The following ZNF277 variants were observed in gnomAD, a reference collection of about 807,000 sequenced individuals.
ZNF277 encodes zinc finger protein 277.
Under a neutral mutation model 60.7 loss-of-function variants are expected in ZNF277, and 55 were observed. The observed-to-expected ratio is 0.91, with a 90% confidence interval of 0.73 to 1.13. The LOEUF (loss-of-function observed/expected upper bound fraction) is 1.13, where lower values mean the gene tolerates loss of function less well. ZNF277 is among the 50% of genes most tolerant of loss of function. The pLI, the probability that ZNF277 is intolerant of heterozygous loss-of-function variation, is 0.00. For missense variants in ZNF277, 510 were observed against 523.0 expected (o/e 0.98, Z 0.24); for synonymous variants, 178 against 179.3 (o/e 0.99, Z 0.06).
intron 1 of ZNF277, among the ~76,000 whole-genome samples, chr7:112,267,260 A>C (rs986365418): frequency 4.6e-5 from 7 of 152,206 alleles, no homozygotes; most frequent in Non-Finnish European, 7.3e-5. Flanking sequence ...TATTTTATAC[A>C]ACTGAAATAA....
intron 1 of ZNF277, among the ~76,000 whole-genome samples, chr7:112,209,995 C>G (rs969695540): frequency 2.6e-5 from 4 of 151,926 alleles, no homozygotes; most frequent in Non-Finnish European, 5.9e-5. Flanking sequence ...CCGGGCCTGT[C>G]GTGGGGTTGG....
rs544019737 is a variant in ZNF277, at chr7:112,226,323, C to T, written c.91+19516C>T. Among the ~76,000 whole-genome samples, 8 of 152,196 alleles carry T rather than the reference C, an allele frequency of 5.3e-5. No homozygotes were observed. In the South Asian group the frequency reaches 1.7e-3, roughly 32 times the overall value. On this transcript the variant is annotated intron_variant, in intron 1 of 11. Coordinates refer to ENST00000361822, the MANE Select transcript of ZNF277 (RefSeq NM_021994.3). ...TACAAGAAACAGGTATTTTTTCTGC[C>T]TCAGGGAGATGTAGCATCCTTTAAG...
intron 5 of ZNF277, among the ~76,000 whole-genome samples, chr7:112,320,731 C>T (rs901810779): frequency 5.9e-5 from 9 of 151,984 alleles, no homozygotes; most frequent in African/African-American, 1.4e-4. Flanking sequence ...TGCCAGTCTT[C>T]ACCTTTTCAT....
chr7:112,284,000 G>C (rs1792006297), intron 1 of ZNF277, among the ~76,000 whole-genome samples: 1 of 152,200 alleles, frequency 6.6e-6, no homozygotes, highest in Admixed American at 6.5e-5. Flanking sequence ...TTGGTACAGG[G>C]AGCAGAACAG....
chr7:112,260,104 T>TA (rs1791409667), intron 1 of ZNF277, among the ~76,000 whole-genome samples: 1 of 152,100 alleles, frequency 6.6e-6, no homozygotes, highest in Non-Finnish European at 1.5e-5. Flanking sequence ...CCGTCTCTAC[T>TA]AAAAATACAA....
chr7:112,275,786 A>G (rs1016784167), intron 1 of ZNF277, among the ~76,000 whole-genome samples: 1 of 152,206 alleles, frequency 6.6e-6, no homozygotes, highest in Non-Finnish European at 1.5e-5. Context: ...GGTATCATGT[A>G]TAAACCAGAA....
chr7:112,209,380 A>G (rs770731006), intron 1 of ZNF277, among the ~76,000 whole-genome samples: 1 of 152,178 alleles, frequency 6.6e-6, no homozygotes, highest in Non-Finnish European at 1.5e-5. Flanking sequence ...TTTCCCCCAT[A>G]TTGTCACAAA....
intron 1 of ZNF277, among the ~76,000 whole-genome samples, chr7:112,235,385 G>T (rs1318047668): frequency 6.6e-6 from 1 of 152,088 alleles, no homozygotes; most frequent in East Asian, 1.9e-4. Context: ...TCCACCAGCA[G>T]TGTCTGAGGC....
chr7:112,236,281 G>A (rs1249562035), intron 1 of ZNF277, among the ~76,000 whole-genome samples: 5 of 151,978 alleles, frequency 3.3e-5, no homozygotes, highest in African/African-American at 1.2e-4. Flanking sequence ...GTAACCCTTT[G>A]TTTTAGCATA....
intron 1 of ZNF277, among the ~76,000 whole-genome samples, chr7:112,268,919 A>G (rs547122619): frequency 4.1e-4 from 62 of 152,170 alleles, no homozygotes; most frequent in African/African-American, 1.5e-3. Context: ...GAGTTTCTTC[A>G]CTTTTAAGAT....
chr7:112,267,652 T>G lies in ZNF277; in HGVS notation c.92-19221T>G, dbSNP rs180797790. Among the ~76,000 whole-genome samples the G allele has an allele frequency of 1.3e-3, 196 of 152,338 alleles. 1 individual carries two copies. The highest frequency in any genetic ancestry group is 4.6e-3 in the African/African-American group (190 of 41,588). On this transcript the variant is annotated intron_variant, in intron 1 of 11. Transcript: ENST00000361822. The stretch of plus-strand genomic sequence containing the variant: ...CCTACTTCTAAACATCCCCTTCATT[T>G]TCTTCTCTTTTCCATTTTATCTATT...
chr7:112,289,123 T>C (rs1251301552), intron 2 of ZNF277: 1 of 152,234 alleles, frequency 6.6e-6, no homozygotes, highest in African/African-American at 2.4e-5. Context: ...GAGTTTTCCA[T>C]TTGTATTTAT....
intron 1 of ZNF277, among the ~76,000 whole-genome samples, chr7:112,208,655 C>T (rs1291732639): frequency 2.1e-5 from 3 of 141,758 alleles, no homozygotes; most frequent in Non-Finnish European, 4.5e-5. Context: ...TCTTATATGA[C>T]ACACGTCTGT....
At chr7:112,336,454 G>T (rs1423424741) in intron 8 of ZNF277, among the ~76,000 whole-genome samples, 1 of 152,154 alleles carries the variant, frequency 6.6e-6, no homozygotes, top group Admixed American at 6.5e-5. Flanking sequence ...TGCCTGCTCA[G>T]TTAGTGCTCA....
At chr7:112,322,293 C>A (rs1793002349) in intron 5 of ZNF277, among the ~76,000 whole-genome samples, 1 of 152,030 alleles carries the variant, frequency 6.6e-6, no homozygotes, top group Admixed American at 6.6e-5. Flanking sequence ...TCTTTGCTCT[C>A]CTTTTGGAGC....
At chr7:112,282,940 G>A (rs1791981302) in intron 1 of ZNF277, among the ~76,000 whole-genome samples, 1 of 152,156 alleles carries the variant, frequency 6.6e-6, no homozygotes, top group Admixed American at 6.5e-5. Flanking sequence ...GGTTAATTGA[G>A]TTAATACTGT....
Position 112,339,890 on chromosome 7 carries a change from G to C in ZNF277, c.1009+5G>C. 1 of 1,609,028 alleles carries C rather than the reference G, an allele frequency of 6.2e-7. No individual in the cohort carries two copies. Among genetic ancestry groups the C allele is most frequent in the Non-Finnish European group, 8.5e-7 (1 of 1,179,856 alleles). On this transcript the variant is annotated splice_donor_5th_base_variant and intron_variant, in intron 10 of 11. Transcript: ENST00000361822. The stretch of plus-strand genomic sequence containing the variant: ...TCAAAATAAAGTCAGAACTTGGTAA[G>C]TTTGATTCAGAGGTTTTTTTCTGTG...
rs147351776 is a variant in ZNF277 at position 112,293,547 on chromosome 7, T to A, written c.294-2322T>A. On this transcript the variant is annotated intron_variant, in intron 2 of 11. Transcript: ENST00000361822. ...GAGAGCTGAGATCACTCCACTGCACTCCAGCCTGGGCAATAGAGCCAGATC... is the reference window on the plus strand; with the variant it reads ...GAGAGCTGAGATCACTCCACTGCACACCAGCCTGGGCAATAGAGCCAGATC... Among the ~76,000 whole-genome samples, 1,227 of 145,458 alleles carry A rather than the reference T, an allele frequency of 8.4e-3. 14 individuals are homozygous for A. Among genetic ancestry groups the A allele is most frequent in the African/African-American group, 0.028 (1,085 of 38,122 alleles).
intron 1 of ZNF277, among the ~76,000 whole-genome samples, chr7:112,210,673 T>C (rs1298358391): frequency 1.3e-5 from 2 of 151,944 alleles, no homozygotes; most frequent in Non-Finnish European, 2.9e-5. Flanking sequence ...AGTTTCGCCA[T>C]CTAGGCCAGG....
Sources: allele counts gnomAD v4.1 joint callset (sites outside exome capture counted in the v4.1 genomes callset), GRCh38; gene constraint gnomAD v4.1.1; transcripts MANE v1.5; gene names NCBI Gene and HGNC (gene_info 2026-07-23, HGNC 2026-07-21).